The following CNTN5 variants were observed in gnomAD, a reference collection of about 807,000 sequenced individuals.
The protein encoded by CNTN5 is contactin-5.
CNTN5 carries 77 observed loss-of-function variants against 129.1 expected under a neutral mutation model. The ratio of observed to expected loss-of-function variants is 0.60; its 90% CI spans 0.50 to 0.72. The LOEUF (loss-of-function observed/expected upper bound fraction) is 0.72. CNTN5 is among the 30% of genes least tolerant of loss of function. The pLI, the probability that CNTN5 is intolerant of heterozygous loss-of-function variation, is 0.00. For missense variants in CNTN5, 1,478 were observed against 1,328.8 expected, an observed-to-expected ratio of 1.11 and a Z score of -1.75; for synonymous variants, 509 against 465.6, an observed-to-expected ratio of 1.09 and a Z score of -1.20.
intron 3 of CNTN5, among the ~76,000 whole-genome samples, chr11:99,626,473 CTG>C (rs1049984728): frequency 2.0e-5 from 3 of 152,118 alleles, no homozygotes; most frequent in Non-Finnish European, 2.9e-5. Context: ...CTTTACATCT[CTG>C]TTTCTCCAAA....
At chr11:99,192,736 A>G (rs1858707421) in intron 1 of CNTN5, among the ~76,000 whole-genome samples, 1 of 152,088 alleles carries the variant, frequency 6.6e-6, no homozygotes, top group Non-Finnish European at 1.5e-5. Flanking sequence ...TGGAAATATT[A>G]TATTTAAAAA....
intron 2 of CNTN5, among the ~76,000 whole-genome samples, chr11:99,536,863 A>AAG (rs1213397306): frequency 0.045 from 6,757 of 151,402 alleles, 516 homozygotes; most frequent in African/African-American, 0.15. Context: ...TTAAAAAAAA[A>AAG]AAAAAGAAAA....
At chr11:100,296,009 C>T (rs1266351411) in intron 18 of CNTN5, among the ~76,000 whole-genome samples, 1 of 151,332 alleles carries the variant, frequency 6.6e-6, no homozygotes, top group East Asian at 1.9e-4. Flanking sequence ...TATATTTTAT[C>T]CACTATTTAT....
chr11:99,471,295 A>G (rs1299351027), intron 2 of CNTN5, among the ~76,000 whole-genome samples: 6 of 152,158 alleles, frequency 3.9e-5, no homozygotes, highest in Admixed American at 2.6e-4. Flanking sequence ...ATCAAACAAT[A>G]TAAGTAATCT....
At chr11:99,595,073 G>C (rs188398862) in intron 3 of CNTN5, among the ~76,000 whole-genome samples, 2 of 152,274 alleles carry the variant, frequency 1.3e-5, no homozygotes, top group Non-Finnish European at 2.9e-5. Context: ...TGGGGAGATG[G>C]GGGGACCAGA....
At chr11:99,394,894 G>A (rs2136196002) in intron 2 of CNTN5, among the ~76,000 whole-genome samples, 1 of 151,856 alleles carries the variant, frequency 6.6e-6, no homozygotes, top group South Asian at 2.1e-4. Flanking sequence ...TTATTGCATA[G>A]TATTCTATGG....
At chr11:99,733,303 CAGAG>C (rs1298239997) in intron 3 of CNTN5, among the ~76,000 whole-genome samples, 2 of 135,784 alleles carry the variant, frequency 1.5e-5, no homozygotes, top group South Asian at 2.3e-4. Context: ...GCCTGAGCGA[CAGAG>C]AGAGATTCTG....
intron 2 of CNTN5, among the ~76,000 whole-genome samples, chr11:99,327,021 A>G (rs1041607293): frequency 6.6e-6 from 1 of 152,146 alleles, no homozygotes; most frequent in African/African-American, 2.4e-5. Flanking sequence ...TTTGTTCTTA[A>G]CTCATAATCA....
intron 2 of CNTN5, among the ~76,000 whole-genome samples, chr11:99,467,389 T>A (rs1406402052): frequency 1.3e-5 from 2 of 152,184 alleles, no homozygotes; most frequent in Non-Finnish European, 2.9e-5. Flanking sequence ...AAGATTAGAA[T>A]CCAATTTAAC....
At chr11:100,115,115 T>TAAAAA (rs11388029) in intron 13 of CNTN5, among the ~76,000 whole-genome samples, 1,422 of 76,844 alleles carry the variant, frequency 0.019, no homozygotes, top group East Asian at 0.036. Context: ...AGGTATACAG[T>TAAAAA]AAAAAAAAAA....
intron 3 of CNTN5, among the ~76,000 whole-genome samples, chr11:99,654,235 G>A (rs779422077): frequency 6.2e-5 from 9 of 145,294 alleles, no homozygotes; most frequent in Non-Finnish European, 4.4e-5. Context: ...CAGTAGCTGT[G>A]TGTATTAGAA....
At chr11:99,778,490 A>G (rs1408677983) in intron 3 of CNTN5, among the ~76,000 whole-genome samples, 1 of 151,846 alleles carries the variant, frequency 6.6e-6, no homozygotes, top group Non-Finnish European at 1.5e-5. Flanking sequence ...AAAAGCTCTT[A>G]TTCCTCTATT....
intron 13 of CNTN5, among the ~76,000 whole-genome samples, chr11:100,108,199 G>T (rs4754668): frequency 0.69 from 104,667 of 151,654 alleles, 37,427 homozygotes; most frequent in East Asian, 0.96. Context: ...TATTAGAGGA[G>T]TTCCAGCATT....
chr11:99,837,153 C>G (rs1021197136), intron 4 of CNTN5, among the ~76,000 whole-genome samples: 1 of 152,140 alleles, frequency 6.6e-6, no homozygotes, highest in African/African-American at 2.4e-5. Context: ...TTTTTCCCAG[C>G]CTCTGTTCAC....
At chr11:99,026,194 C>G (rs545345137) in intron 1 of CNTN5, among the ~76,000 whole-genome samples, 1 of 151,684 alleles carries the variant, frequency 6.6e-6, no homozygotes, top group Non-Finnish European at 1.5e-5. Context: ...GGCACTGGAA[C>G]AGATTGACCC....
At chr11:100,274,886 T>C (rs1950476404) in intron 18 of CNTN5, among the ~76,000 whole-genome samples, 1 of 152,222 alleles carries the variant, frequency 6.6e-6, no homozygotes, top group South Asian at 2.1e-4. Context: ...CATTACTGGG[T>C]ATGTGCTCAA....
chr11:100,302,967 T>C (rs1951261619), intron 20 of CNTN5, among the ~76,000 whole-genome samples: 1 of 151,640 alleles, frequency 6.6e-6, no homozygotes, highest in African/African-American at 2.4e-5. Context: ...CTCACAACTC[T>C]GAGGTTTACT....
chr11:99,697,047 G>T (rs1350661997), intron 3 of CNTN5, among the ~76,000 whole-genome samples: 2 of 151,788 alleles, frequency 1.3e-5, no homozygotes, highest in East Asian at 3.9e-4. Context: ...GGCCAAAGCT[G>T]GGACAATTTG....
chr11:99,830,122 C>T (rs10893950), intron 4 of CNTN5, among the ~76,000 whole-genome samples: 17,177 of 151,886 alleles, frequency 0.11, 1,572 homozygotes, highest in East Asian at 0.43. Flanking sequence ...AAACTTTTTT[C>T]GGGGGCGGGG....
Sources: gnomAD v4.1 joint callset for allele counts (sites outside exome capture counted in the v4.1 genomes callset) on GRCh38, gnomAD v4.1.1 for gene constraint, MANE v1.5 for transcripts, NCBI Gene and HGNC (gene_info 2026-07-23, HGNC 2026-07-21) for gene names.